PCDHGA9: variants seen among roughly 807,000 people sequenced by gnomAD.
PCDHGA9 encodes protocadherin gamma-A9.
In PCDHGA9, 37 loss-of-function variants were observed where a neutral mutation model predicts 62.5. The observed-to-expected ratio is 0.59, with a 90% CI of 0.46 to 0.78. The LOEUF (loss-of-function observed/expected upper bound fraction) is 0.78. Among genes scored for constraint, PCDHGA9 ranks in the 30% least tolerant of loss-of-function variants. The pLI, the probability that PCDHGA9 is intolerant of heterozygous loss-of-function variation, is 0.00. For missense variants in PCDHGA9, 1,138 were observed against 1,166.2 expected (o/e 0.98, Z 0.35); for synonymous variants, 459 against 484.6 (o/e 0.95, Z 0.69).
At chr5:141,410,847 G>GTTTT (rs773839667) in intron 1 of PCDHGA9, 2 of 158,344 alleles carry the variant, frequency 1.3e-5, no homozygotes, top group African/African-American at 1.7e-4. Context: ...TTTTGTCTTT[G>GTTTT]TCTTTTTTTT....
chr5:141,439,800 T>C (rs1393580217), intron 1 of PCDHGA9: 1 of 152,300 alleles, frequency 6.6e-6, no homozygotes, highest in Admixed American at 6.5e-5. Context: ...CAAGAAGAGT[T>C]TGAAAAGGGG....
intron 1 of PCDHGA9, among the ~76,000 whole-genome samples, chr5:141,453,996 C>T (rs2098779349): frequency 6.6e-6 from 1 of 152,128 alleles, no homozygotes; most frequent in Admixed American, 6.6e-5. Context: ...GTGATAAACC[C>T]ACATAACATT....
chr5:141,502,578 T>C (rs2099815145), intron 2 of PCDHGA9, among the ~76,000 whole-genome samples: 1 of 152,198 alleles, frequency 6.6e-6, no homozygotes, highest in African/African-American at 2.4e-5. Context: ...TATAAAAATA[T>C]ATTTTTATAA....
At chr5:141,467,055 CTT>C (rs1193465269) in intron 1 of PCDHGA9, among the ~76,000 whole-genome samples, 47 of 134,388 alleles carry the variant, frequency 3.5e-4, no homozygotes, top group Admixed American at 6.0e-4. Context: ...TCAATGTTTT[CTT>C]TTTTTTTTTT....
At position 141,405,044 on chromosome 5, in the gene PCDHGA9, G is replaced by T. The variant is rs769617162; in HGVS notation, c.2092G>T (p.Ala698Ser). 9.9e-5 allele frequency: 160 copies of T among 1,613,938 alleles called. No individual in the cohort carries two copies. The highest frequency in any genetic ancestry group is 1.6e-4 in the Middle Eastern group (1 of 6,062). Reference protein sequence around the residue: ...DLTLYLVVAVAVVSCVFLTFV... With the variant: ...DLTLYLVVAVSVVSCVFLTFV... ...TACCCTCTACCTCGTTGTGGCTGTG[G>T]CAGTCGTCTCCTGTGTCTTCCTCAC... The change falls in exon 1 of 4, where the codon GCA becomes TCA. Residue 698 changes from alanine (A) to serine (S), a missense_variant. Transcript: ENST00000573521.
intron 2 of PCDHGA9, among the ~76,000 whole-genome samples, chr5:141,504,259 G>A (rs1325093588): frequency 6.6e-6 from 1 of 152,126 alleles, no homozygotes; most frequent in Non-Finnish European, 1.5e-5. Flanking sequence ...TTATGGTTTA[G>A]TATTTTTTTA....
At chr5:141,405,472 T>G in intron 1 of PCDHGA9, 96 bp downstream of exon 1, 1 of 1,056,196 alleles carries the variant, frequency 9.5e-7, no homozygotes, top group Non-Finnish European at 1.4e-6. Context: ...CAGGCTGGAA[T>G]GCAGTGGTGT....
At chr5:141,408,111 C>A (rs1477598232) in intron 1 of PCDHGA9, 7 of 1,455,108 alleles carry the variant, frequency 4.8e-6, no homozygotes, top group African/African-American at 4.3e-5. Context: ...ACCCGGGACT[C>A]CTCCTGTCCT....
chr5:141,475,297 T>C lies in PCDHGA9; in HGVS notation c.2425-19510T>C, dbSNP rs187277570. Among the ~76,000 whole-genome samples the C allele has an allele frequency of 6.5e-4, 99 of 152,360 alleles. 2 individuals are homozygous for C. Among genetic ancestry groups the C allele is most frequent in the African/African-American group, 2.3e-3 (96 of 41,586 alleles). ...TGAAAGACAGGGTAGGGAAATTTCT[T>C]ATTGCTCCCTGGTTCTTAAGAAATG... On this transcript the variant is annotated intron_variant, in intron 1 of 3. Transcript: ENST00000573521.
intron 1 of PCDHGA9, chr5:141,475,814 TC>T: frequency 3.0e-6 from 1 of 338,520 alleles, no homozygotes; most frequent in Non-Finnish European, 5.4e-6. Flanking sequence ...AAAGTGAAGT[TC>T]CTGGCGCTAG....
At chr5:141,424,022 A>G (rs2096795541) in intron 1 of PCDHGA9, 13 of 1,046,584 alleles carry the variant, frequency 1.2e-5, no homozygotes, top group Non-Finnish European at 1.4e-5. Context: ...ATGATTCACA[A>G]ACACTTTTTA....
At chr5:141,428,987 T>G (rs1185184865) in intron 1 of PCDHGA9, 2 of 152,288 alleles carry the variant, frequency 1.3e-5, no homozygotes, top group Non-Finnish European at 2.9e-5. Context: ...CCCGGGTAGC[T>G]GGGACTACAG....
chr5:141,418,589 C>G lies in PCDHGA9; in HGVS notation c.2424+13213C>G, dbSNP rs184213052. ...CAATGACAACCCCCCAGTGTTCAGC[C>G]AGGACGTGTACAGGGTTAGCCTTCG... On this transcript the variant is annotated intron_variant, in intron 1 of 3. Transcript: ENST00000573521. 5.5e-4 allele frequency: 884 copies of G among 1,614,012 alleles called. 4 individuals carry two copies. Among genetic ancestry groups the G allele is most frequent in the South Asian group, 4.0e-3 (361 of 91,086 alleles).
rs764586891 is a variant in PCDHGA9, at chr5:141,477,616, A to G, written c.2425-17191A>G. On this transcript the variant is annotated intron_variant, in intron 1 of 3. Coordinates refer to ENST00000573521, the MANE Select transcript of PCDHGA9 (RefSeq NM_018921.3). This position sits in a 1 kb window ranked among gnomAD's most constrained non-coding sequence, Gnocchi z 4.9. ...TTTCTTTCTTTCTCTTGGAGCAAGGAGCTGAAACCGGGCTAGTGGGTCGCT... is the reference window on the plus strand; with the variant it reads ...TTTCTTTCTTTCTCTTGGAGCAAGGGGCTGAAACCGGGCTAGTGGGTCGCT... The G allele has an allele frequency of 1.2e-6, 2 of 1,614,068 alleles. No individual in the cohort carries two copies. Among genetic ancestry groups the G allele is most frequent in the African/African-American group, 2.7e-5 (2 of 74,924 alleles).
At chr5:141,427,970 C>G in intron 1 of PCDHGA9, 1 of 1,592,510 alleles carries the variant, frequency 6.3e-7, no homozygotes. Context: ...GGGTGCTGTA[C>G]CCCGCGCTGG....
intron 2 of PCDHGA9, among the ~76,000 whole-genome samples, chr5:141,502,238 T>A (rs2099813398): frequency 6.6e-6 from 1 of 152,204 alleles, no homozygotes; most frequent in Non-Finnish European, 1.5e-5. Flanking sequence ...TGTGTTCTTT[T>A]ATCCTTTTTT....
chr5:141,425,483 C>A (rs1172308088), intron 1 of PCDHGA9, among the ~76,000 whole-genome samples: 2 of 152,304 alleles, frequency 1.3e-5, no homozygotes, highest in Non-Finnish European at 2.9e-5. Flanking sequence ...CTATGGCAAC[C>A]TACTAGGCTA....
intron 1 of PCDHGA9, among the ~76,000 whole-genome samples, chr5:141,454,596 G>C (rs1184158084): frequency 1.3e-5 from 2 of 151,324 alleles, no homozygotes; most frequent in Non-Finnish European, 2.9e-5. Flanking sequence ...AGTAGAGACA[G>C]GGTTTCTCCA....
chr5:141,421,073 G>A (rs2096544393), intron 1 of PCDHGA9: 4 of 613,858 alleles, frequency 6.5e-6, no homozygotes, highest in Non-Finnish European at 1.1e-5. Flanking sequence ...GGAATGAGAT[G>A]GATACTCACA....
Sources: gnomAD v4.1 joint callset for allele counts (sites outside exome capture counted in the v4.1 genomes callset) on GRCh38, gnomAD v4.1.1 for gene constraint, Gnocchi (gnomAD v3.1) non-coding constraint, MANE v1.5 for transcripts, NCBI Gene and HGNC (gene_info 2026-07-23, HGNC 2026-07-21) for gene names.